Variants in CFI observed in about 807,000 individuals in gnomAD.
The protein encoded by CFI is complement factor I.
In CFI, 66 loss-of-function variants were observed where a neutral mutation model predicts 78.8. That is an observed-to-expected ratio of 0.84 (90% CI 0.69 to 1.03). CFI has a LOEUF of 1.03. CFI is among the 50% of genes least tolerant of loss of function. The pLI, the probability that CFI is intolerant of heterozygous loss-of-function variation, is 0.00. For synonymous variants in CFI, 250 were observed against 232.6 expected (o/e 1.07, Z -0.68); for missense variants, 706 against 704.5 (o/e 1.00, Z -0.02).
intron 2 of CFI, 146 bp downstream of exon 2, chr4:109,766,408 G>T: frequency 2.3e-6 from 2 of 855,980 alleles, no homozygotes; most frequent in Non-Finnish European, 3.7e-6. Context: ...TTTGTTTAGT[G>T]ATTACTCCAA....
At chr4:109,796,796 T>C (rs1391587897) in intron 1 of CFI, among the ~76,000 whole-genome samples, 1 of 152,132 alleles carries the variant, frequency 6.6e-6, no homozygotes, top group South Asian at 2.1e-4. Context: ...AACCCTGTCT[T>C]TAACAAAACA....
At chr4:109,783,812 GAT>G (rs34128338) in intron 1 of CFI, among the ~76,000 whole-genome samples, 3,901 of 112,682 alleles carry the variant, frequency 0.035, 554 homozygotes, top group Admixed American at 0.14. Flanking sequence ...AAGAAACTGT[GAT>G]ATATATATAT....
intron 1 of CFI, among the ~76,000 whole-genome samples, chr4:109,795,787 G>C (rs1189877178): frequency 1.3e-5 from 2 of 152,040 alleles, no homozygotes; most frequent in Non-Finnish European, 2.9e-5. Context: ...TGAACTCAAA[G>C]ACAGGTTATT....
chr4:109,779,860 C>T (rs1388207049), intron 1 of CFI, among the ~76,000 whole-genome samples: 4 of 152,032 alleles, frequency 2.6e-5, no homozygotes, highest in Non-Finnish European at 4.4e-5. Context: ...CTTTGACAAA[C>T]CTGACAACAA....
chr4:109,782,617 T>C (rs1219964268), intron 1 of CFI, among the ~76,000 whole-genome samples: 2 of 151,808 alleles, frequency 1.3e-5, no homozygotes, highest in Non-Finnish European at 2.9e-5. Flanking sequence ...AATCTACAAA[T>C]TCAATGCAAT....
chr4:109,749,505 T>A lies in CFI; in HGVS notation c.1038A>T (p.Ala346=). Residue 346 remains alanine, a synonymous_variant, in exon 9 of 13, where the codon GCA becomes GCT. Coordinates refer to ENST00000394634, the MANE Select transcript of CFI (RefSeq NM_000204.5). ...ACTTTTCATGCGACTTTACCAGTTG[T>A]GCTCGCTTTCCTCCCACAATTCGTT... ...RRKRIVGGKR[A]QLGDLPWQVA... 4 of 1,612,792 alleles carry A rather than the reference T, an allele frequency of 2.5e-6. No individual in the cohort carries two copies. The South Asian group carries it at 4.4e-5, about 18-fold the overall frequency.
At chr4:109,779,025 C>G (rs1729648949) in intron 1 of CFI, among the ~76,000 whole-genome samples, 1 of 152,150 alleles carries the variant, frequency 6.6e-6, no homozygotes, top group Non-Finnish European at 1.5e-5. Context: ...CAGCCAATAT[C>G]ATACTGAATG....
At chr4:109,761,901 A>G (rs1193096500) in intron 3 of CFI, 6 of 536,812 alleles carry the variant, frequency 1.1e-5, no homozygotes, top group Admixed American at 6.2e-5. Flanking sequence ...AAGATTAACT[A>G]AAACTTGGCT....
intron 1 of CFI, among the ~76,000 whole-genome samples, chr4:109,784,092 C>T (rs980373308): frequency 6.6e-6 from 1 of 151,638 alleles, no homozygotes; most frequent in East Asian, 1.9e-4. Context: ...GTGTATACTG[C>T]TCGGGTGATG....
rs185607947 is a variant in CFI at position 109,787,132 on chromosome 4, G to A, written c.57+14783C>T. 1.0e-3 allele frequency among the ~76,000 whole-genome samples: 152 copies of A among 152,156 alleles called. 1 individual carries two copies. Among genetic ancestry groups the A allele is most frequent in the Admixed American group, 2.7e-3 (41 of 15,274 alleles). ...ATACCTAATAAAGTTGTATACCACTGAGATTATGTAGTGCTTTTATTATTA... is the reference window on the plus strand; with the variant it reads ...ATACCTAATAAAGTTGTATACCACTAAGATTATGTAGTGCTTTTATTATTA... On this transcript the variant is annotated intron_variant, in intron 1 of 12. Coordinates refer to ENST00000394634, the MANE Select transcript of CFI (RefSeq NM_000204.5).
chr4:109,777,644 G>T (rs566022393), intron 1 of CFI, among the ~76,000 whole-genome samples: 5 of 152,156 alleles, frequency 3.3e-5, no homozygotes, highest in African/African-American at 7.2e-5. Context: ...AATAGACATC[G>T]ACAGAACTCT....
chr4:109,795,091 C>A (rs1731891614), intron 1 of CFI, among the ~76,000 whole-genome samples: 1 of 152,122 alleles, frequency 6.6e-6, no homozygotes, highest in African/African-American at 2.4e-5. Flanking sequence ...TAGAGTTACC[C>A]TTTACCCTAC....
intron 1 of CFI, among the ~76,000 whole-genome samples, chr4:109,776,314 A>G (rs544869342): frequency 6.2e-4 from 95 of 152,218 alleles, no homozygotes; most frequent in Non-Finnish European, 7.9e-4. Context: ...CACAAGAACT[A>G]TTTGATGCAT....
rs137893996 is a variant in CFI at position 109,758,968 on chromosome 4, C to A, written c.884-1185G>T. ...ATTAGCCAAGCGTGATGGCACATGC[C>A]TATAATCCCAGCTACTCAGGAGGCT... On this transcript the variant is annotated intron_variant, in intron 6 of 12. Coordinates refer to ENST00000394634, the MANE Select transcript of CFI (RefSeq NM_000204.5). 3.4e-3 allele frequency among the ~76,000 whole-genome samples: 522 copies of A among 152,312 alleles called. 4 individuals carry two copies. The highest frequency in any genetic ancestry group is 0.012 in the African/African-American group (494 of 41,566).
Position 109,766,798 on chromosome 4 carries a change from C to A in CFI, c.84G>T (p.Leu28=). The A allele has an allele frequency of 6.2e-7, 1 of 1,614,130 alleles. No individual in the cohort carries two copies. The highest frequency in any genetic ancestry group is 8.5e-7 in the Non-Finnish European group (1 of 1,180,026). Residue 28 remains leucine, a synonymous_variant, in exon 2 of 13, where the codon CTG becomes CTT. Coordinates refer to ENST00000394634, the MANE Select transcript of CFI (RefSeq NM_000204.5). Reference sequence around the variant, plus strand: ...TTTTTGCTAAGCACTTTTTCTCCACCAGATCCTCTTGAGATGTATAAGTGA... The same window carrying A: ...TTTTTGCTAAGCACTTTTTCTCCACAAGATCCTCTTGAGATGTATAAGTGA... ...CKVTYTSQED[L]VEKKCLAKKY...
chr4:109,757,000 C>T (rs1726389450), intron 7 of CFI, among the ~76,000 whole-genome samples: 1 of 150,716 alleles, frequency 6.6e-6, no homozygotes, highest in Non-Finnish European at 1.5e-5. Flanking sequence ...GGATCATGAA[C>T]TTTGACGTTA....
chr4:109,760,350 G>T lies in CFI; in HGVS notation c.803C>A (p.Ser268Ter). Residue 268 changes from serine (S) to a stop codon, truncating the protein, a stop_gained, in exon 6 of 13, where the codon TCG becomes TAG. Transcript: ENST00000394634. LOFTEE classifies it high-confidence loss of function. ...ACQGKGFHCK[S>*]GVCIPSQYQC... is the part of the protein sequence containing the mutation. ...ATACTGGCTTGGAATGCAAACACCC[G>T]ATTTGCAATGGAAGCCTTTGCCTTG... 6.2e-7 allele frequency: 1 copy of T among 1,613,924 alleles called. No homozygotes were observed. The highest frequency in any genetic ancestry group is 2.2e-5 in the East Asian group (1 of 44,872).
At chr4:109,781,597 C>A (rs1016235719) in intron 1 of CFI, among the ~76,000 whole-genome samples, 2 of 152,040 alleles carry the variant, frequency 1.3e-5, no homozygotes, top group African/African-American at 4.8e-5. Context: ...AGAATTTGTA[C>A]CTATCCTTTT....
chr4:109,798,484 A>G (rs1288710767), intron 1 of CFI, among the ~76,000 whole-genome samples: 1 of 148,714 alleles, frequency 6.7e-6, no homozygotes, highest in Admixed American at 6.9e-5. Flanking sequence ...AGTTTATTAT[A>G]TGTCAATCAT....
Sources: allele counts gnomAD v4.1 joint callset (sites outside exome capture counted in the v4.1 genomes callset), GRCh38; gene constraint gnomAD v4.1.1; transcripts MANE v1.5; gene names NCBI Gene and HGNC (gene_info 2026-07-23, HGNC 2026-07-21).